The following SLC36A1 variants were observed in gnomAD, a reference collection of about 807,000 sequenced individuals.
The protein encoded by SLC36A1 is proton-coupled amino acid transporter 1.
A neutral mutation model predicts 47.5 loss-of-function variants in SLC36A1; 30 were observed. That is an observed-to-expected ratio of 0.63 (90% confidence interval 0.47 to 0.86). The LOEUF (loss-of-function observed/expected upper bound fraction) is 0.86, where lower values mean the gene tolerates loss of function less well. SLC36A1 is among the 40% of genes least tolerant of loss of function. The pLI is 0.00. For synonymous variants in SLC36A1, 255 were observed against 249.7 expected, an observed-to-expected ratio of 1.02 and a Z score of -0.20; for missense variants, 517 against 606.0, an observed-to-expected ratio of 0.85 and a Z score of 1.54.
chr5:151,422,937 G>A, the SLC36A1 span, among the ~76,000 whole-genome samples: 888 of 152,110 alleles, frequency 5.8e-3, 17 homozygotes, highest in African/African-American at 0.021. Context: ...GTGAGACCCT[G>A]TGCCCCACTC....
At chr5:151,470,359 A>G (rs1050397257) in intron 7 of SLC36A1, among the ~76,000 whole-genome samples, 2 of 152,188 alleles carry the variant, frequency 1.3e-5, no homozygotes, top group African/African-American at 4.8e-5. Flanking sequence ...TGGGATAAGA[A>G]TTTGGGTTCT....
chr5:151,512,017 G>T, the SLC36A1 span: 1 of 675,484 alleles, frequency 1.5e-6, no homozygotes, highest in Non-Finnish European at 2.5e-6. The surrounding 1 kb of genome is among the most constrained non-coding windows in gnomAD (Gnocchi z 4.1). Flanking sequence ...TCTAGATATT[G>T]CAGATTCCAA....
At chr5:151,468,413 TG>T (rs1467632634) in intron 7 of SLC36A1, among the ~76,000 whole-genome samples, 1 of 145,002 alleles carries the variant, frequency 6.9e-6, no homozygotes, top group Non-Finnish European at 1.5e-5. Context: ...TATTATATAA[TG>T]TATGTAATAT....
the SLC36A1 span, among the ~76,000 whole-genome samples, chr5:151,354,178 C>A: frequency 6.6e-6 from 1 of 152,112 alleles, no homozygotes; most frequent in African/African-American, 2.4e-5. Flanking sequence ...GTGGTGCACA[C>A]CTGTAATCCC....
chr5:151,538,932 T>G, the SLC36A1 span, among the ~76,000 whole-genome samples: 1 of 151,918 alleles, frequency 6.6e-6, no homozygotes, highest in Non-Finnish European at 1.5e-5. Context: ...GTGATCCGCC[T>G]GCCTCGGCCT....
chr5:151,378,729 G>A, the SLC36A1 span: 1 of 153,556 alleles, frequency 6.5e-6, no homozygotes, highest in African/African-American at 2.4e-5. Context: ...TTGACACCGG[G>A]GAGGGTGAGA....
the SLC36A1 span, chr5:151,540,890 C>G: frequency 2.4e-6 from 2 of 830,844 alleles, no homozygotes; most frequent in East Asian, 2.7e-5. Context: ...CCTTCCTTAA[C>G]TAGGAACCCA....
intron 10 of SLC36A1, among the ~76,000 whole-genome samples, chr5:151,483,518 G>GGGGGGGGGGGGGGGGGA (rs1759107788): frequency 7.2e-6 from 1 of 138,072 alleles, no homozygotes; most frequent in African/African-American, 3.0e-5. Flanking sequence ...TTGTGTGTGT[G>GGGGGGGGGGGGGGGGGA]GGGGGGGTGA....
At chr5:151,544,058 G>A in the SLC36A1 span, 2 of 1,614,156 alleles carry the variant, frequency 1.2e-6, no homozygotes, top group South Asian at 2.2e-5. Flanking sequence ...GTGAGTGGGG[G>A]ATCTCCTTTA....
the SLC36A1 span, among the ~76,000 whole-genome samples, chr5:151,349,609 G>A: frequency 1.1e-4 from 17 of 152,182 alleles, no homozygotes; most frequent in Admixed American, 2.6e-4. Context: ...GTTTGGTAAC[G>A]CTGAGATGCA....
chr5:151,390,096 G>A, the SLC36A1 span, among the ~76,000 whole-genome samples: 1 of 152,094 alleles, frequency 6.6e-6, no homozygotes, highest in East Asian at 1.9e-4. Flanking sequence ...TTTAATGATC[G>A]CCATTCTAAC....
At chr5:151,389,238 A>G in the SLC36A1 span, among the ~76,000 whole-genome samples, 3 of 152,052 alleles carry the variant, frequency 2.0e-5, no homozygotes, top group Non-Finnish European at 2.9e-5. Context: ...GAAGCATGCA[A>G]TACACCTTCA....
rs974547006 is a variant in SLC36A1, at chr5:151,491,946, G to A, written c.*3692G>A. On this transcript the variant is annotated 3_prime_UTR_variant, in exon 11 of 11. Transcript: ENST00000243389. Reference sequence around the variant, plus strand: ...AGGGCTATTTGCCCCGACAGCATCAGCCTGTAACATTTCTTCTCTTTCCTT... The same window carrying A: ...AGGGCTATTTGCCCCGACAGCATCAACCTGTAACATTTCTTCTCTTTCCTT... 2.0e-5 allele frequency: 3 copies of A among 152,258 alleles called. No individual in the cohort carries two copies. The highest frequency in any genetic ancestry group is 4.4e-5 in the Non-Finnish European group (3 of 68,060). 9.4% of individuals were successfully genotyped at this position (152,258 alleles called of 1,614,324 possible). A position where few individuals can be genotyped will look rare whatever the true frequency, so the allele number is the denominator to read the frequency against.
the SLC36A1 span, among the ~76,000 whole-genome samples, chr5:151,508,364 A>G: frequency 0.47 from 70,967 of 152,074 alleles, 17,752 homozygotes; most frequent in East Asian, 0.83. Flanking sequence ...CTCGTGAACG[A>G]ATAGCATTCC....
the SLC36A1 span, chr5:151,550,666 G>C: frequency 6.2e-7 from 1 of 1,614,206 alleles, no homozygotes; most frequent in Non-Finnish European, 8.5e-7. Flanking sequence ...ACCACTGCTT[G>C]GGTCCAGCTG....
At chr5:151,543,136 T>C in the SLC36A1 span, 9 of 1,614,188 alleles carry the variant, frequency 5.6e-6, no homozygotes, top group Non-Finnish European at 7.6e-6. Context: ...GCCTCCATCT[T>C]GGGCTTTGAT....
chr5:151,494,403 T>C (rs1229236947), downstream of SLC36A1, among the ~76,000 whole-genome samples: 1 of 152,230 alleles, frequency 6.6e-6, no homozygotes, highest in Non-Finnish European at 1.5e-5. Context: ...TCAATCAAGA[T>C]ACAGAATGTT....
Position 151,438,628 on chromosome 5 carries a change from G to T in SLC36A1, c.-6+1449G>T, listed in dbSNP as rs75650473. On this transcript the variant is annotated intron_variant, in intron 1 of 8. Coordinates refer to the SLC36A1 transcript ENST00000429484. ...TACTTGGGTCTCATACATGTGCTCT[G>T]ACACTCCTGTCATTGTGATCCTGCC... 6.2e-3 allele frequency among the ~76,000 whole-genome samples: 940 copies of T among 152,328 alleles called. 14 individuals carry two copies. The highest frequency in any genetic ancestry group is 0.022 in the African/African-American group (898 of 41,570).
the SLC36A1 span, among the ~76,000 whole-genome samples, chr5:151,431,060 A>G: frequency 6.6e-6 from 1 of 152,290 alleles, no homozygotes; most frequent in South Asian, 2.1e-4. Flanking sequence ...TGTTGAATGA[A>G]TGCGCCTCTA....
Sources: allele counts gnomAD v4.1 joint callset (sites outside exome capture counted in the v4.1 genomes callset), GRCh38; gene constraint gnomAD v4.1.1; non-coding constraint Gnocchi (gnomAD v3.1); transcripts MANE v1.5; gene names NCBI Gene and HGNC (gene_info 2026-07-23, HGNC 2026-07-21).